The following KPNA4 variants were observed in gnomAD, a reference collection of about 807,000 sequenced individuals.
KPNA4 encodes karyopherin subunit alpha 4.
Under a neutral mutation model 71.3 loss-of-function variants are expected in KPNA4, and 13 were observed. That is an observed-to-expected ratio of 0.18 (90% CI 0.12 to 0.29). KPNA4 has a LOEUF of 0.29. KPNA4 is among the 10% of genes least tolerant of loss of function. KPNA4 has a pLI of 1.00. For missense variants in KPNA4, 334 were observed against 603.2 expected, an observed-to-expected ratio of 0.55 and a Z score of 4.67; for synonymous variants, 189 against 195.2, an observed-to-expected ratio of 0.97 and a Z score of 0.26.
chr3:160,547,334 T>A (rs1044231055), intron 1 of KPNA4, among the ~76,000 whole-genome samples: 1 of 152,220 alleles, frequency 6.6e-6, no homozygotes, highest in African/African-American at 2.4e-5. Flanking sequence ...TAGATTCTCA[T>A]GGGTGTTTTG....
chr3:160,526,266 G>C (rs1372774874), intron 8 of KPNA4, among the ~76,000 whole-genome samples, 159 bp from the exon 9 acceptor site: 2 of 152,194 alleles, frequency 1.3e-5, no homozygotes, highest in East Asian at 3.8e-4. Context: ...AGGTCTCTGA[G>C]CCAAGAGAGG....
intron 10 of KPNA4, among the ~76,000 whole-genome samples, chr3:160,522,687 T>C (rs983153803): frequency 1.8e-4 from 27 of 152,210 alleles, no homozygotes; most frequent in African/African-American, 6.5e-4. Flanking sequence ...CTCGATCTCC[T>C]GACCTCATGA....
rs774631980 is a variant in KPNA4, at chr3:160,500,249, T to C, written c.*1855A>G. The C allele has an allele frequency of 6.6e-6, 1 of 152,616 alleles. No individual in the cohort carries two copies. Among genetic ancestry groups the C allele is most frequent in the Non-Finnish European group, 1.5e-5 (1 of 68,012 alleles). The allele number at this position is 152,616 out of a possible 1,614,324, so 9.5% of individuals were successfully genotyped here. A position where few individuals can be genotyped will look rare whatever the true frequency, so the allele number is the denominator to read the frequency against. ...TACTTGGATAAATTTTACAAGCTAG[T>C]TTTCTGCTGCTTCTAGTTTTAAACT... On this transcript the variant is annotated 3_prime_UTR_variant, in exon 17 of 17. Transcript: ENST00000334256.
chr3:160,561,041 C>G (rs1324343386), intron 1 of KPNA4, among the ~76,000 whole-genome samples: 2 of 152,046 alleles, frequency 1.3e-5, no homozygotes, highest in Non-Finnish European at 2.9e-5. Context: ...TTATTAAACT[C>G]TTGCCAACCA....
At chr3:160,533,067 A>G (rs1721605163) in intron 5 of KPNA4, among the ~76,000 whole-genome samples, 5 of 152,186 alleles carry the variant, frequency 3.3e-5, no homozygotes, top group Admixed American at 3.3e-4. Flanking sequence ...TCTGTCACTC[A>G]GGCTGGAGTG....
chr3:160,515,045 G>A, intron 12 of KPNA4: 1 of 519,212 alleles, frequency 1.9e-6, no homozygotes, highest in Non-Finnish European at 3.8e-6. Context: ...AACAGCCTCA[G>A]ATGCACTCCA....
intron 1 of KPNA4, among the ~76,000 whole-genome samples, chr3:160,558,969 GA>G (rs980843559): frequency 6.6e-6 from 1 of 152,044 alleles, no homozygotes; most frequent in African/African-American, 2.4e-5. Context: ...CTAATTGTGT[GA>G]AAAAAATGAA....
chr3:160,560,126 T>C (rs896733984), intron 1 of KPNA4, among the ~76,000 whole-genome samples: 10 of 152,124 alleles, frequency 6.6e-5, no homozygotes, highest in African/African-American at 1.2e-4. Context: ...TGCTTTCACA[T>C]AGAACCTTTT....
chr3:160,525,537 A>G (rs4680592), intron 10 of KPNA4, among the ~76,000 whole-genome samples: 1,984 of 152,278 alleles, frequency 0.013, 21 homozygotes, highest in Non-Finnish European at 0.02. Context: ...ATATATACAC[A>G]TACATACAAT....
At position 160,502,281 on chromosome 3, in the gene KPNA4, A is replaced by T. The variant is rs764003509; in HGVS notation, c.1468-79T>A. 32 of 598,632 alleles carry T rather than the reference A, an allele frequency of 5.3e-5. No individual in the cohort carries two copies. The South Asian group carries it at 6.6e-4, about 12-fold the overall frequency. The allele number at this position is 598,632 out of a possible 1,614,324, so 37.1% of individuals were successfully genotyped here. On this transcript the variant is annotated intron_variant, in intron 16 of 16. Coordinates refer to ENST00000334256, the MANE Select transcript of KPNA4 (RefSeq NM_002268.5). ...ACAGTATTATAGTACTAATCCCATT[A>T]CCCTTAAAAAAAGGTCTGGAGAGAT...
At chr3:160,536,210 C>A (rs1298862527) in intron 2 of KPNA4, among the ~76,000 whole-genome samples, 2 of 151,982 alleles carry the variant, frequency 1.3e-5, no homozygotes, top group Admixed American at 1.3e-4. Flanking sequence ...CAGAACCAAA[C>A]ACAAATATTT....
At chr3:160,546,121 A>G (rs1721901239) in intron 1 of KPNA4, among the ~76,000 whole-genome samples, 1 of 152,228 alleles carries the variant, frequency 6.6e-6, no homozygotes, top group Admixed American at 6.5e-5. Flanking sequence ...ATTTAAAACC[A>G]GATCACCAGA....
intron 8 of KPNA4, 83 bp from the exon 9 acceptor site, chr3:160,526,190 C>G: frequency 1.0e-6 from 1 of 976,304 alleles, no homozygotes; most frequent in Non-Finnish European, 1.4e-6. Flanking sequence ...TGGGAATATG[C>G]TGCTTCATGT....
chr3:160,554,024 A>C (rs1282593833), intron 1 of KPNA4, among the ~76,000 whole-genome samples: 2 of 152,208 alleles, frequency 1.3e-5, no homozygotes, highest in Non-Finnish European at 2.9e-5. Context: ...TAGAACCTCC[A>C]ATACAGATGC....
In KPNA4 at chr3:160,535,459, T is replaced by C. The variant is rs1043117675; in HGVS notation, c.287+54A>G. On this transcript the variant is annotated intron_variant, in intron 5 of 16. Transcript: ENST00000334256. The stretch of plus-strand genomic sequence containing the variant: ...ACTACTCAATAGTAAAAATTCAAAA[T>C]AGAACCCCTGTGTAAGTTGTAAAAT... 37 of 1,352,650 alleles carry C rather than the reference T, an allele frequency of 2.7e-5. 1 individual carries two copies. In the South Asian group the frequency reaches 3.0e-4, roughly 11 times the overall value. 83.8% of individuals were successfully genotyped at this position (1,352,650 alleles called of 1,614,324 possible). A position where few individuals can be genotyped will look rare whatever the true frequency, so the allele number is the denominator to read the frequency against.
Position 160,500,545 on chromosome 3 carries a change from TTA to T in KPNA4, c.*1557_*1558del, listed in dbSNP as rs1448821658. On this transcript the variant is annotated 3_prime_UTR_variant, in exon 17 of 17. Coordinates refer to ENST00000334256, the MANE Select transcript of KPNA4 (RefSeq NM_002268.5). ...AAGAGTTCTTTTTGTACAAATTAAT[TTA>T]TGTCACATTTAATTTAGTGTGCATA... The T allele has an allele frequency of 2.6e-5, 4 of 152,702 alleles. No individual in the cohort carries two copies. In the South Asian group the frequency reaches 6.2e-4, roughly 24 times the overall value. 9.5% of individuals were successfully genotyped at this position (152,702 alleles called of 1,614,324 possible).
At chr3:160,511,352 G>A (rs903604401) in intron 13 of KPNA4, among the ~76,000 whole-genome samples, 1 of 151,918 alleles carries the variant, frequency 6.6e-6, no homozygotes, top group African/African-American at 2.4e-5. Context: ...TGATCTGCCC[G>A]CCTCAGCCTC....
Position 160,515,288 on chromosome 3 carries a change from T to A in KPNA4, c.1032+164A>T, listed in dbSNP as rs1425106673. 5.5e-6 allele frequency: 4 copies of A among 732,604 alleles called. No homozygotes were observed. The Admixed American group carries it at 7.2e-5, about 13-fold the overall frequency. 45.4% of individuals were successfully genotyped at this position (732,604 alleles called of 1,614,324 possible). On this transcript the variant is annotated intron_variant, in intron 12 of 16. Coordinates refer to ENST00000334256, the MANE Select transcript of KPNA4 (RefSeq NM_002268.5). Reference sequence around the variant, plus strand: ...ACTGGTTTTATGTATGAAAAAATTATTAATGCTTGTTATGGAGAGTAAAAT... The same window carrying A: ...ACTGGTTTTATGTATGAAAAAATTAATAATGCTTGTTATGGAGAGTAAAAT...
intron 1 of KPNA4, among the ~76,000 whole-genome samples, chr3:160,537,631 G>A (rs1233916532): frequency 6.8e-6 from 1 of 148,088 alleles, no homozygotes; most frequent in Non-Finnish European, 1.5e-5. Context: ...AACTCAGAAA[G>A]TCATACTAGA....
Sources: allele counts gnomAD v4.1 joint callset (sites outside exome capture counted in the v4.1 genomes callset), GRCh38; gene constraint gnomAD v4.1.1; transcripts MANE v1.5; gene names NCBI Gene and HGNC (gene_info 2026-07-23, HGNC 2026-07-21).